DIPK2A: variants seen among roughly 807,000 people sequenced by gnomAD.
The protein encoded by DIPK2A is Golgi Protein of 49 kDa.
Under a neutral mutation model 39.0 loss-of-function variants are expected in DIPK2A, and 27 were observed. The ratio of observed to expected loss-of-function variants is 0.69; its 90% CI spans 0.51 to 0.96. DIPK2A has a LOEUF of 0.96. Among genes scored for constraint, DIPK2A ranks in the 40% least tolerant of loss-of-function variants. The pLI is 0.00. For missense variants in DIPK2A, 528 were observed against 571.3 expected (o/e 0.92, Z 0.77); for synonymous variants, 298 against 240.8 (o/e 1.24, Z -2.20).
intron 1 of DIPK2A, among the ~76,000 whole-genome samples, chr3:143,975,907 C>A (rs2087721872): frequency 6.6e-6 from 1 of 152,000 alleles, no homozygotes; most frequent in East Asian, 1.9e-4. Context: ...CGTAAGCATG[C>A]TTCAAAATAA....
chr3:143,976,994 A>G (rs1052772185), intron 1 of DIPK2A, among the ~76,000 whole-genome samples: 1 of 152,080 alleles, frequency 6.6e-6, no homozygotes, highest in Non-Finnish European at 1.5e-5. Context: ...CACCTTAAAA[A>G]TAATGGTGAT....
intron 1 of DIPK2A, chr3:143,978,449 A>G (rs1425794410): frequency 1.3e-5 from 2 of 152,386 alleles, no homozygotes; most frequent in South Asian, 2.1e-4. Context: ...TTCATTTTAC[A>G]ATCTGTTACA....
Position 143,972,578 on chromosome 3 carries a change from G to T in DIPK2A, c.246G>T (p.Leu82=), listed in dbSNP as rs927629193. The T allele has an allele frequency of 6.2e-7, 1 of 1,612,270 alleles. No individual in the cohort carries two copies. The highest frequency in any genetic ancestry group is 1.7e-5 in the Admixed American group (1 of 60,008). The change falls in exon 1 of 3, where the codon CTG becomes CTT. Residue 82 remains leucine, a synonymous_variant. Transcript: ENST00000315691. ...VVFEAWGRLR[L]LDFLNVKNVY... ...TCGAGGCGTGGGGCCGCTTGCGCCTGCTGGACTTCCTCAACGTGAAGAACG... is the reference window on the plus strand; with the variant it reads ...TCGAGGCGTGGGGCCGCTTGCGCCTTCTGGACTTCCTCAACGTGAAGAACG...
chr3:143,989,159 A>G (rs2087946678), intron 2 of DIPK2A, among the ~76,000 whole-genome samples: 1 of 152,136 alleles, frequency 6.6e-6, no homozygotes, highest in Non-Finnish European at 1.5e-5. Context: ...CCTAAATCAG[A>G]TGTTCTCCTT....
chr3:143,972,592 A>G lies in DIPK2A; in HGVS notation c.260A>G (p.Asn87Ser). The change falls in exon 1 of 3, where the codon AAC becomes AGC. Residue 87 changes from asparagine to serine, a missense_variant. By Grantham distance (46) the Asn-to-Ser change is conservative (BLOSUM62 1). Transcript: ENST00000315691. ...WGRLRLLDFL[N>S]VKNVYFAQYG... ...CGCTTGCGCCTGCTGGACTTCCTCAACGTGAAGAACGTGTACTTCGCGCAG... is the reference window on the plus strand; with the variant it reads ...CGCTTGCGCCTGCTGGACTTCCTCAGCGTGAAGAACGTGTACTTCGCGCAG... The G allele has an allele frequency of 6.2e-7, 1 of 1,612,066 alleles. No homozygotes were observed. Among genetic ancestry groups the G allele is most frequent in the Non-Finnish European group, 8.5e-7 (1 of 1,179,640 alleles).
Position 143,989,570 on chromosome 3 carries a change from C to T in DIPK2A, c.1022C>T (p.Ala341Val). 3 of 1,614,134 alleles carry T rather than the reference C, an allele frequency of 1.9e-6. No individual in the cohort carries two copies. The highest frequency in any genetic ancestry group is 1.1e-5 in the South Asian group (1 of 91,086). Residue 341 changes from alanine (A) to valine (V), a missense_variant, in exon 3 of 3, where the codon GCT becomes GTT. Physicochemically the swap from Ala to Val is moderately conservative, Grantham distance 64. Around this residue, in one of 2 missense-constraint regions of DIPK2A, gnomAD observed 219 missense variants for 281.5 expected, o/e 0.78. Coordinates refer to ENST00000315691, the MANE Select transcript of DIPK2A (RefSeq NM_173552.5). Reference sequence around the variant, plus strand: ...AAGTTTGATGACTGTGATAAGGAGGCTTGCTTATCATTTTCAAAAGAAATT... The same window carrying T: ...AAGTTTGATGACTGTGATAAGGAGGTTTGCTTATCATTTTCAAAAGAAATT... ...ESKFDDCDKE[A>V]CLSFSKEILC...
chr3:143,989,727 C>G lies in DIPK2A; in HGVS notation c.1179C>G (p.Gly393=), dbSNP rs995581146. The G allele has an allele frequency of 3.1e-6, 5 of 1,614,240 alleles. No homozygotes were observed. Among genetic ancestry groups the G allele is most frequent in the Non-Finnish European group, 2.5e-6 (3 of 1,180,044 alleles). Residue 393 remains glycine (G), a synonymous_variant, in exon 3 of 3, where the codon GGC becomes GGG. Transcript: ENST00000315691. ...HDPPSEIAKD[G]RLEALLDECA... is the part of the protein sequence containing the mutation. Reference sequence around the variant, plus strand: ...CACCAAGTGAAATTGCCAAAGATGGCCGGCTCGAGGCCTTGCTGGATGAGT... The same window carrying G: ...CACCAAGTGAAATTGCCAAAGATGGGCGGCTCGAGGCCTTGCTGGATGAGT...
chr3:143,973,183 G>GCA (rs1221527809), intron 1 of DIPK2A, 194 bp downstream of exon 1: 1 of 998,186 alleles, frequency 1.0e-6, no homozygotes, highest in Non-Finnish European at 1.5e-6. Flanking sequence ...CCCCGCTGAT[G>GCA]GAGAGTCTGC....
intron 1 of DIPK2A, chr3:143,973,801 G>T: frequency 1.8e-6 from 1 of 567,886 alleles, no homozygotes; most frequent in Non-Finnish European, 3.2e-6. Context: ...GCTCTCGTCT[G>T]ACTGTTTTGA....
At position 143,978,684 on chromosome 3, in the gene DIPK2A, A is replaced by C. The variant is rs867888819; in HGVS notation, c.657+5695A>C. 5.4e-5 allele frequency among the ~76,000 whole-genome samples: 6 copies of C among 111,184 alleles called. No individual in the cohort carries two copies. The South Asian group carries it at 1.1e-3, about 21-fold the overall frequency. 72.9% of individuals were successfully genotyped at this position (111,184 alleles called of 152,430 possible). On this transcript the variant is annotated intron_variant, in intron 1 of 2. Coordinates refer to ENST00000315691, the MANE Select transcript of DIPK2A (RefSeq NM_173552.5). ...TCTATATATAGATATATATATATCT[A>C]TATATATATATATATATACTGTCAC...
Position 143,989,619 on chromosome 3 carries a change from C to T in DIPK2A, c.1071C>T (p.Asp357=). Residue 357 remains aspartate, a synonymous_variant, in exon 3 of 3, where the codon GAC becomes GAT. Transcript: ENST00000315691. Reference sequence around the variant, plus strand: ...TTCTTTGTGCTCGTGCCACTGTGGACCACAATTACTATGCTGTTTGTCAGA... The same window carrying T: ...TTCTTTGTGCTCGTGCCACTGTGGATCACAATTACTATGCTGTTTGTCAGA... The part of the protein sequence containing the change: ...KEILCARATV[D]HNYYAVCQNL... 1 of 1,614,160 alleles carries T rather than the reference C, an allele frequency of 6.2e-7. No homozygotes were observed. The highest frequency in any genetic ancestry group is 2.2e-5 in the East Asian group (1 of 44,870).
In DIPK2A at chr3:143,989,515, C is replaced by T; in HGVS notation, c.967C>T (p.Pro323Ser). ...ADKRLIRQNK[P>S]ENWDVWYESK... ...TGCTTTTCCTCCTTTCACAGATAAACCTGAAAATTGGGATGTATGGTATGA... is the reference window on the plus strand; with the variant it reads ...TGCTTTTCCTCCTTTCACAGATAAATCTGAAAATTGGGATGTATGGTATGA... The change falls in exon 3 of 3, where the codon CCT becomes TCT. Residue 323 changes from proline (P) to serine (S), a missense_variant. Transcript: ENST00000315691. 2 of 1,597,818 alleles carry T rather than the reference C, an allele frequency of 1.3e-6. No individual in the cohort carries two copies. Among genetic ancestry groups the T allele is most frequent in the Non-Finnish European group, 1.7e-6 (2 of 1,168,842 alleles).
chr3:143,973,226 T>A, intron 1 of DIPK2A: 2 of 1,117,272 alleles, frequency 1.8e-6, no homozygotes, highest in Non-Finnish European at 2.6e-6. Flanking sequence ...CATTTCGGAT[T>A]TGACTGTGGA....
chr3:143,973,868 G>C (rs947870216), intron 1 of DIPK2A, among the ~76,000 whole-genome samples: 1 of 152,126 alleles, frequency 6.6e-6, no homozygotes, highest in Non-Finnish European at 1.5e-5. Flanking sequence ...ACATCAAAAA[G>C]AGAACAAAAA....
chr3:143,976,925 T>C (rs1369692243), intron 1 of DIPK2A, among the ~76,000 whole-genome samples: 1 of 152,044 alleles, frequency 6.6e-6, no homozygotes, highest in Non-Finnish European at 1.5e-5. Context: ...AAAGTAAAGG[T>C]AACTTTAACT....
Position 143,991,219 on chromosome 3 carries a change from GCTC to G in DIPK2A, c.*1379_*1381del, listed in dbSNP as rs1477376172. 1.3e-5 allele frequency: 2 copies of G among 152,616 alleles called. No individual in the cohort carries two copies. Among genetic ancestry groups the G allele is most frequent in the Non-Finnish European group, 2.9e-5 (2 of 68,012 alleles). 9.5% of individuals were successfully genotyped at this position (152,616 alleles called of 1,614,324 possible). On this transcript the variant is annotated 3_prime_UTR_variant, in exon 3 of 3. Transcript: ENST00000315691. ...AGTTTGATGTAGTGTGCAGTAGTGA[GCTC>G]TAGACTGATCTTTTTCTAAATCAGA...
chr3:143,978,215 A>G (rs759519938), intron 1 of DIPK2A, among the ~76,000 whole-genome samples: 9 of 151,680 alleles, frequency 5.9e-5, no homozygotes, highest in Non-Finnish European at 1.0e-4. Flanking sequence ...ACAGAATGCT[A>G]TTTTTTTCTT....
intron 1 of DIPK2A, 60 bp from the exon 2 acceptor site, chr3:143,985,483 G>A (rs2087885717): frequency 6.4e-6 from 9 of 1,414,254 alleles, no homozygotes; most frequent in Non-Finnish European, 8.9e-6. Flanking sequence ...AAGGATCTGA[G>A]GATAGACCTA....
At chr3:143,976,708 A>G (rs538872175) in intron 1 of DIPK2A, among the ~76,000 whole-genome samples, 122 of 152,074 alleles carry the variant, frequency 8.0e-4, no homozygotes, top group African/African-American at 2.7e-3. Context: ...CGAGCTGGGA[A>G]TGTTACTATT....
Sources: gnomAD v4.1 joint callset for allele counts (sites outside exome capture counted in the v4.1 genomes callset) on GRCh38, gnomAD v4.1.1 for gene constraint, gnomAD v4.1.1 regional missense constraint, MANE v1.5 for transcripts, NCBI Gene and HGNC (gene_info 2026-07-23, HGNC 2026-07-21) for gene names.